Variants in POTEE observed in about 807,000 individuals in gnomAD.
POTEE encodes the protein POTE ankyrin domain family member E.
In POTEE, 21 loss-of-function variants were observed where a neutral mutation model predicts 74.2. That is an observed-to-expected ratio of 0.28 (90% CI 0.20 to 0.41). POTEE has a LOEUF of 0.41. Ranked by LOEUF, POTEE falls within the 10% of genes least tolerant of loss-of-function variation. POTEE has a pLI of 1.00. For missense variants in POTEE, 525 were observed against 1,158.6 expected (o/e 0.45, Z 7.94); for synonymous variants, 211 against 432.8 (o/e 0.49, Z 6.36).
rs747787553 is a variant in POTEE at position 131,264,114 on chromosome 2, G to A, written c.2659G>A (p.Asp887Asn). The A allele has an allele frequency of 4.3e-6, 7 of 1,613,730 alleles. No homozygotes were observed. In the Admixed American group the frequency reaches 6.7e-5, roughly 15 times the overall value. Residue 887 changes from aspartate to asparagine, a missense_variant, in exon 18 of 18, where the codon GAC becomes AAC. Coordinates refer to ENST00000683005, the MANE Select transcript of POTEE (RefSeq NM_001083538.3). ...AGACCTGGCTGGGCGGGAACTGCCT[G>A]ACTACCTCATGAAGATCCTCACCGA... ...RLDLAGRELP[D>N]YLMKILTERG... is the part of the protein sequence containing the mutation.
intron 1 of POTEE, among the ~76,000 whole-genome samples, 21 bp downstream of exon 1, chr2:131,209,840 C>T (rs1353124722): frequency 5.3e-5 from 8 of 151,944 alleles, no homozygotes; most frequent in East Asian, 3.9e-4. Flanking sequence ...CGGGGATGTA[C>T]TGCCCGCCTG....
intron 2 of POTEE, among the ~76,000 whole-genome samples, chr2:131,215,381 T>G (rs1700426579): frequency 6.6e-6 from 1 of 152,210 alleles, no homozygotes; most frequent in South Asian, 2.1e-4. Flanking sequence ...GGCTTTACAA[T>G]AACTTAGAAA....
intron 8 of POTEE, among the ~76,000 whole-genome samples, chr2:131,228,769 C>T (rs2105086389): frequency 6.8e-6 from 1 of 147,086 alleles, no homozygotes; most frequent in South Asian, 2.1e-4. Context: ...GTCCTACATA[C>T]TCCTTGAATT....
intron 4 of POTEE, among the ~76,000 whole-genome samples, chr2:131,222,803 G>T (rs1156655378): frequency 6.6e-6 from 1 of 151,752 alleles, no homozygotes; most frequent in Non-Finnish European, 1.5e-5. Context: ...ATTTGTTTTT[G>T]TTTTCACCTC....
chr2:131,263,573 C>T lies in POTEE; in HGVS notation c.2118C>T (p.Ala706=), dbSNP rs780483297. 1.7e-3 allele frequency: 2,699 copies of T among 1,602,050 alleles called. 33 individuals are homozygous for T. In the African/African-American group the frequency reaches 0.028, roughly 17 times the overall value. The change falls in exon 18 of 18, where the codon GCC becomes GCT. Residue 706 remains alanine, a synonymous_variant. Coordinates refer to ENST00000683005, the MANE Select transcript of POTEE (RefSeq NM_001083538.3). ...AGCTCACCATGGATGATGATACCGC[C>T]GTGCTCGTCATTGACAACGGCTCTG... The part of the protein sequence containing the change: ...LNELTMDDDT[A]VLVIDNGSGM...
At chr2:131,257,018 CT>C (rs1573737896) in intron 16 of POTEE, among the ~76,000 whole-genome samples, 1 of 149,156 alleles carries the variant, frequency 6.7e-6, no homozygotes, top group African/African-American at 2.4e-5. Context: ...TTTTTAGAGT[CT>C]TTGATGTACA....
intron 9 of POTEE, among the ~76,000 whole-genome samples, chr2:131,234,166 G>A (rs1253561839): frequency 4.6e-5 from 7 of 151,426 alleles, no homozygotes; most frequent in Non-Finnish European, 1.0e-4. Context: ...TGAACTTAAT[G>A]GATAAAGATG....
At chr2:131,217,879 G>A (rs1425627203) in intron 3 of POTEE, among the ~76,000 whole-genome samples, 196 bp downstream of exon 3, 1 of 149,320 alleles carries the variant, frequency 6.7e-6, no homozygotes, top group African/African-American at 2.5e-5. Context: ...CGGCTTGCAC[G>A]CGCACGCCGC....
At chr2:131,217,788 G>GCACGCC (rs1559166850) in intron 3 of POTEE, among the ~76,000 whole-genome samples, 105 bp downstream of exon 3, 1 of 144,362 alleles carries the variant, frequency 6.9e-6, no homozygotes, top group African/African-American at 2.6e-5. Flanking sequence ...ACGCGCACGC[G>GCACGCC]CACGCCCGGC....
rs1258573115 is a variant in POTEE, at chr2:131,210,686, G to A, written c.-344-342G>A. Among the ~76,000 whole-genome samples the A allele has an allele frequency of 4.7e-5, 7 of 150,112 alleles. No individual in the cohort carries two copies. In the East Asian group the frequency reaches 5.9e-4, roughly 13 times the overall value. ...TACCGGGTGGGGATTAGTGGGCATC[G>A]CGGGGGACTGTGGGAACAGGGCACT... On this transcript the variant is annotated intron_variant, in intron 1 of 17. Coordinates refer to ENST00000683005, the MANE Select transcript of POTEE (RefSeq NM_001083538.3).
chr2:131,221,503 TTTAG>T (rs1288452333), intron 4 of POTEE, among the ~76,000 whole-genome samples: 1 of 152,070 alleles, frequency 6.6e-6, no homozygotes, highest in African/African-American at 2.4e-5. Context: ...CATCTGAAGT[TTTAG>T]TTAAAGTTCA....
chr2:131,257,125 TAA>T (rs1211772658), intron 16 of POTEE, among the ~76,000 whole-genome samples: 1 of 130,880 alleles, frequency 7.6e-6, no homozygotes, highest in Non-Finnish European at 1.6e-5. Flanking sequence ...ATCAAACACA[TAA>T]AGATTTCATT....
intron 4 of POTEE, 119 bp from the exon 5 acceptor site, chr2:131,223,477 A>G: frequency 2.3e-6 from 2 of 854,964 alleles, no homozygotes; most frequent in South Asian, 3.6e-5. Context: ...GGGAAAGTTA[A>G]ATGTTTGTTT....
intron 6 of POTEE, among the ~76,000 whole-genome samples, chr2:131,225,686 GTT>G (rs1207304302): frequency 4.0e-5 from 5 of 124,752 alleles, no homozygotes; most frequent in Admixed American, 8.0e-5. Flanking sequence ...TCCAACCTCA[GTT>G]TTTTTTTTTT....
intron 2 of POTEE, among the ~76,000 whole-genome samples, chr2:131,213,279 C>T (rs996693323): frequency 1.3e-5 from 2 of 151,860 alleles, no homozygotes; most frequent in East Asian, 1.9e-4. Context: ...ACTTTTGTAT[C>T]TAAGAACCTG....
intron 9 of POTEE, among the ~76,000 whole-genome samples, chr2:131,231,535 C>T (rs910525852): frequency 5.9e-5 from 9 of 152,024 alleles, no homozygotes; most frequent in Non-Finnish European, 1.5e-5. Flanking sequence ...CACTGAAGCA[C>T]AAGTCATGTT....
At chr2:131,236,174 A>G (rs1288928466) in intron 9 of POTEE, among the ~76,000 whole-genome samples, 1 of 152,132 alleles carries the variant, frequency 6.6e-6, no homozygotes, top group Non-Finnish European at 1.5e-5. Context: ...AGGAACTTGC[A>G]AATAGTATGC....
intron 4 of POTEE, among the ~76,000 whole-genome samples, chr2:131,222,652 ATGAT>A (rs1197595828): frequency 1.3e-5 from 2 of 152,212 alleles, no homozygotes; most frequent in Non-Finnish European, 2.9e-5. Flanking sequence ...CCTAATATGA[ATGAT>A]TGGAAATATC....
At chr2:131,224,511 T>C (rs955971854) in intron 6 of POTEE, among the ~76,000 whole-genome samples, 5 of 146,122 alleles carry the variant, frequency 3.4e-5, no homozygotes, top group African/African-American at 1.3e-4. Context: ...AAGATATTTC[T>C]GATTGCTCAT....
Sources: gnomAD v4.1 joint callset for allele counts (sites outside exome capture counted in the v4.1 genomes callset) on GRCh38, gnomAD v4.1.1 for gene constraint, MANE v1.5 for transcripts, NCBI Gene and HGNC (gene_info 2026-07-23, HGNC 2026-07-21) for gene names.